PGM3: variants seen among roughly 807,000 people sequenced by gnomAD.
The protein encoded by PGM3 is phosphoacetylglucosamine mutase.
Under a neutral mutation model 66.2 loss-of-function variants are expected in PGM3, and 40 were observed. The ratio of observed to expected loss-of-function variants is 0.60; its 90% CI spans 0.47 to 0.79. PGM3 has a LOEUF of 0.79. Ranked by LOEUF, PGM3 falls within the 30% of genes least tolerant of loss-of-function variation. The pLI is 0.00. For missense variants in PGM3, 537 were observed against 643.4 expected (o/e 0.83, Z 1.79); for synonymous variants, 191 against 224.2 (o/e 0.85, Z 1.32).
At chr6:83,153,742 G>A in the PGM3 span, 1 of 1,162,876 alleles carries the variant, frequency 8.6e-7, no homozygotes, top group Non-Finnish European at 1.2e-6. Flanking sequence ...AATTATAATT[G>A]TTTAAAAAAA....
At chr6:83,180,006 GAATT>G (rs1562421673) in intron 6 of PGM3, 39 bp from the exon 7 acceptor site, 1 of 1,477,016 alleles carries the variant, frequency 6.8e-7, no homozygotes, top group Non-Finnish European at 9.2e-7. Flanking sequence ...TTCAGTCTAA[GAATT>G]TATTATAAAG....
At chr6:83,173,125 A>G (rs1787425699) in intron 10 of PGM3, among the ~76,000 whole-genome samples, 1 of 152,206 alleles carries the variant, frequency 6.6e-6, no homozygotes, top group African/African-American at 2.4e-5. Context: ...CCCAAAATCC[A>G]GTGAATCTGG....
the PGM3 span, chr6:83,151,977 C>T: frequency 3.1e-6 from 5 of 1,613,918 alleles, no homozygotes; most frequent in Non-Finnish European, 4.2e-6. Flanking sequence ...GAAGTTAAGC[C>T]TTCTCCCAAA....
intron 1 of PGM3, among the ~76,000 whole-genome samples, chr6:83,192,171 C>A (rs1319323753): frequency 1.3e-5 from 2 of 151,612 alleles, no homozygotes; most frequent in African/African-American, 4.8e-5. Context: ...GAGGCTGACG[C>A]AGGAGAATCG....
chr6:83,157,544 A>ATGAT (rs1227062902), downstream of PGM3, among the ~76,000 whole-genome samples: 2 of 152,218 alleles, frequency 1.3e-5, no homozygotes, highest in East Asian at 3.8e-4. Context: ...CTCCTTGTGA[A>ATGAT]TGATTACTTT....
At position 83,168,080 on chromosome 6, in the gene PGM3, G is replaced by A. The variant is rs1786280461; in HGVS notation, c.*1154C>T. 1 of 1,614,146 alleles carries A rather than the reference G, an allele frequency of 6.2e-7. No individual in the cohort carries two copies. The highest frequency in any genetic ancestry group is 8.5e-7 in the Non-Finnish European group (1 of 1,180,032). ...TCCCTAATAAGGACATGAAACTGGA[G>A]AACCACAAACCATGTTCCAGCAAAG... is the stretch of plus-strand genomic sequence containing the variant. On this transcript the variant is annotated 3_prime_UTR_variant, in exon 13 of 13. Transcript: ENST00000513973.
At chr6:83,157,182 A>G (rs369020536), downstream of PGM3, 113 of 1,607,092 alleles carry the variant, frequency 7.0e-5, no homozygotes, top group East Asian at 4.5e-5. Flanking sequence ...TTTCTTTCAG[A>G]GAGATTGGTT....
In PGM3 at chr6:83,186,796, T is replaced by A. The variant is rs575530163; in HGVS notation, c.457+212A>T. On this transcript the variant is annotated intron_variant, in intron 4 of 12. Transcript: ENST00000513973. ...TCAGAATTTCCCAGCTATAATCTCC[T>A]ATAGTACTACCATAGGTAAGACAAA... 2.9e-3 allele frequency among the ~76,000 whole-genome samples: 440 copies of A among 150,720 alleles called. 1 individual carries two copies. Among genetic ancestry groups the A allele is most frequent in the Non-Finnish European group, 4.1e-3 (275 of 67,470 alleles).
At chr6:83,153,673 C>A in the PGM3 span, 1 of 1,407,558 alleles carries the variant, frequency 7.1e-7, no homozygotes, top group Non-Finnish European at 9.7e-7. Flanking sequence ...CTGTTAGAAA[C>A]AAGTTCTGTT....
intron 3 of PGM3, among the ~76,000 whole-genome samples, chr6:83,187,889 T>C (rs1207171435): frequency 1.3e-5 from 2 of 152,288 alleles, no homozygotes; most frequent in East Asian, 3.9e-4. Flanking sequence ...ACCAAATACA[T>C]GTGGGATGAC....
chr6:83,158,399 T>C (rs1007111218), downstream of PGM3, among the ~76,000 whole-genome samples: 6 of 152,102 alleles, frequency 3.9e-5, no homozygotes, highest in African/African-American at 1.2e-4. Context: ...AGCAAGGCTC[T>C]GTGTGGCTAA....
At position 83,168,203 on chromosome 6, in the gene PGM3, T is replaced by C. The variant is rs766436901; in HGVS notation, c.*1031A>G. On this transcript the variant is annotated 3_prime_UTR_variant, in exon 13 of 13. Transcript: ENST00000513973. ...TGGTTCCATTTAGCTTACATGTAAA[T>C]GTAATTATTTAAAACACACACACTG... is the stretch of plus-strand genomic sequence containing the variant. The C allele has an allele frequency of 1.0e-5, 16 of 1,576,320 alleles. No individual in the cohort carries two copies. Among genetic ancestry groups the C allele is most frequent in the Non-Finnish European group, 1.4e-5 (16 of 1,164,992 alleles).
intron 1 of PGM3, among the ~76,000 whole-genome samples, chr6:83,192,771 T>A (rs962446230): frequency 4.6e-5 from 7 of 152,110 alleles, no homozygotes; most frequent in African/African-American, 1.4e-4. Context: ...CTACTTTCAA[T>A]GCCTCTGCGA....
rs1219337174 is a variant in PGM3, at chr6:83,191,958, C to CAA, written c.-2-946_-2-945dup. On this transcript the variant is annotated intron_variant, in intron 1 of 12. Coordinates refer to ENST00000513973, the MANE Select transcript of PGM3 (RefSeq NM_015599.3). ...TGGGTGACAAAGGGAGACTCGGTCT[C>CAA]AAAAAAAAAAAAAAAAAAAAAAAAC... is the stretch of plus-strand genomic sequence containing the variant. Among the ~76,000 whole-genome samples, 287 of 39,084 alleles carry CAA rather than the reference C, an allele frequency of 7.3e-3. 10 individuals carry two copies. The highest frequency in any genetic ancestry group is 0.028 in the Middle Eastern group (1 of 36). The allele number at this position is 39,084 out of a possible 152,430, so 25.6% of individuals were successfully genotyped here.
At chr6:83,162,794 C>T, downstream of PGM3, 3 of 1,611,200 alleles carry the variant, frequency 1.9e-6, no homozygotes, top group Non-Finnish European at 1.7e-6. Context: ...ACATAGGTAC[C>T]GATGGGCCTT....
chr6:83,170,098 T>C (rs977663638), intron 12 of PGM3, among the ~76,000 whole-genome samples: 21 of 152,148 alleles, frequency 1.4e-4, no homozygotes, highest in African/African-American at 4.8e-4. Flanking sequence ...GTCAAAAATA[T>C]TTGGGGAAAT....
upstream of PGM3, chr6:83,193,354 G>C (rs1160623622): frequency 6.9e-6 from 1 of 144,030 alleles, no homozygotes; most frequent in East Asian, 2.1e-4. Context: ...CCCCCGCCTC[G>C]CCGCAGGTCG....
intron 8 of PGM3, 34 bp downstream of exon 8, chr6:83,178,639 A>G: frequency 8.6e-7 from 1 of 1,160,038 alleles, no homozygotes; most frequent in Non-Finnish European, 1.3e-6. Context: ...GATCTTAATT[A>G]AGAAACTACC....
chr6:83,154,072 A>G, the PGM3 span: 1 of 1,613,544 alleles, frequency 6.2e-7, no homozygotes, highest in Non-Finnish European at 8.5e-7. Flanking sequence ...TGTATTCAGC[A>G]TGATGCACCT....
Sources: gnomAD v4.1 joint callset for allele counts (sites outside exome capture counted in the v4.1 genomes callset) on GRCh38, gnomAD v4.1.1 for gene constraint, MANE v1.5 for transcripts, NCBI Gene and HGNC (gene_info 2026-07-23, HGNC 2026-07-21) for gene names.